The following VWA3B variants were observed in gnomAD, a reference collection of about 807,000 sequenced individuals.
VWA3B encodes the protein von Willebrand factor A domain containing 3B.
In VWA3B, 138 loss-of-function variants were observed where a neutral mutation model predicts 158.3. The ratio of observed to expected loss-of-function variants is 0.87; its 90% CI spans 0.76 to 1.00. The LOEUF is 1.00. Among genes scored for constraint, VWA3B ranks in the 50% least tolerant of loss-of-function variants. The pLI, the probability that VWA3B is intolerant of heterozygous loss-of-function variation, is 0.00. For synonymous variants in VWA3B, 596 were observed against 587.3 expected (o/e 1.01, Z -0.21); for missense variants, 1,555 against 1,565.1 (o/e 0.99, Z 0.11).
chr2:98,137,953 T>A (rs1185301571), intron 7 of VWA3B, among the ~76,000 whole-genome samples: 1 of 152,244 alleles, frequency 6.6e-6, no homozygotes, highest in Non-Finnish European at 1.5e-5. Context: ...TTCAACTACT[T>A]TAGTGTTCTG....
At chr2:98,295,808 G>A (rs6715989) in intron 23 of VWA3B, among the ~76,000 whole-genome samples, 43,093 of 152,134 alleles carry the variant, frequency 0.28, 6,392 homozygotes, top group Admixed American at 0.36. Flanking sequence ...AATGGTTGCA[G>A]TCCCTTAATT....
In VWA3B at chr2:98,121,450, G is replaced by A; in HGVS notation, c.694G>A (p.Asp232Asn). The A allele has an allele frequency of 6.2e-7, 1 of 1,613,776 alleles. No homozygotes were observed. Among genetic ancestry groups the A allele is most frequent in the Non-Finnish European group, 8.5e-7 (1 of 1,179,908 alleles). ...GGATGCTCTGCTGGAAGCCGGGAGA[G>A]ACAAGACTGTAAGTGCGTGTTCATG... ...RLDALLEAGR[D>N]KTIESIYYFV... Residue 232 changes from aspartate to asparagine, a missense_variant, in exon 5 of 28, where the codon GAC becomes AAC. Transcript: ENST00000477737.
In VWA3B at chr2:98,162,947, C is replaced by T. The variant is rs1678747925; in HGVS notation, c.1085C>T (p.Pro362Leu). The T allele has an allele frequency of 6.2e-7, 1 of 1,613,994 alleles. No individual in the cohort carries two copies. The highest frequency in any genetic ancestry group is 8.5e-7 in the Non-Finnish European group (1 of 1,180,052). Residue 362 changes from proline (P) to leucine (L), a missense_variant, in exon 8 of 28, where the codon CCC (proline) becomes CTC (leucine). Transcript: ENST00000477737. ...AQIQRLVAEP[P>L]KPDVATVDCE... is the part of the protein sequence containing the mutation. ...ATCCAGAGGCTGGTGGCCGAGCCTC[C>T]CAAGCCCGACGTGGCCACTGTGGAC...
Position 98,162,919 on chromosome 2 carries a change from C to T in VWA3B, c.1057C>T (p.Gln353Ter), listed in dbSNP as rs267599503. ...GGAGGAAGCCTGCAGCACGCTGGCC[C>T]AGATCCAGAGGCTGGTGGCCGAGCC... ...EMEEACSTLAQIQRLVAEPPK... is the reference protein window; with the variant it reads ...EMEEACSTLA The change falls in exon 8 of 28, where the codon CAG (glutamine) becomes TAG (stop). Residue 353 changes from glutamine to a stop codon, truncating the protein, a stop_gained. Transcript: ENST00000477737. LOFTEE classifies it high-confidence loss of function. 1 of 1,614,068 alleles carries T rather than the reference C, an allele frequency of 6.2e-7. No individual in the cohort carries two copies.
chr2:98,196,106 A>T (rs973089500), intron 12 of VWA3B, among the ~76,000 whole-genome samples: 1 of 152,200 alleles, frequency 6.6e-6, no homozygotes, highest in Non-Finnish European at 1.5e-5. Flanking sequence ...GTTACCAGAG[A>T]CTAGGAGCAG....
intron 26 of VWA3B, among the ~76,000 whole-genome samples, chr2:98,306,415 C>A (rs1202231033): frequency 1.3e-5 from 2 of 152,084 alleles, no homozygotes; most frequent in Non-Finnish European, 2.9e-5. Flanking sequence ...AGATGCCCAG[C>A]GATGCTCCTC....
Position 98,213,699 on chromosome 2 carries a change from G to A in VWA3B, c.1836+1671G>A, listed in dbSNP as rs10199463. Among the ~76,000 whole-genome samples, 1,021 of 152,236 alleles carry A rather than the reference G, an allele frequency of 6.7e-3. 11 individuals carry two copies. The highest frequency in any genetic ancestry group is 0.024 in the African/African-American group (979 of 41,544). On this transcript the variant is annotated intron_variant, in intron 13 of 27. Transcript: ENST00000477737. ...GGCTGGTGGAGGAAGCTGTGTTTGC[G>A]AACCTCTAGGGAGTGCATGGGTGTC... is the stretch of plus-strand genomic sequence containing the variant.
Position 98,303,816 on chromosome 2 carries a change from A to C in VWA3B, c.3521+14A>C. The C allele has an allele frequency of 6.2e-7, 1 of 1,609,694 alleles. No homozygotes were observed. Among genetic ancestry groups the C allele is most frequent in the African/African-American group, 1.3e-5 (1 of 74,940 alleles). On this transcript the variant is annotated intron_variant, in intron 26 of 27. Transcript: ENST00000477737. ...GGATCCAGAAGTGTAAGTGTACTCA[A>C]CTTTTATCTCTTGAATATTAATTTA...
intron 21 of VWA3B, among the ~76,000 whole-genome samples, chr2:98,265,223 G>A (rs1337124058): frequency 6.8e-6 from 1 of 147,392 alleles, no homozygotes; most frequent in Non-Finnish European, 1.5e-5. Context: ...TCCCCAGAGT[G>A]CGATGTTCCC....
intron 21 of VWA3B, among the ~76,000 whole-genome samples, chr2:98,267,558 A>G (rs1487007283): frequency 2.0e-5 from 3 of 152,140 alleles, no homozygotes; most frequent in Non-Finnish European, 4.4e-5. Flanking sequence ...AGGGAAATTT[A>G]TAGCACTAAA....
Position 98,303,315 on chromosome 2 carries a change from T to C in VWA3B, c.3421-387T>C, listed in dbSNP as rs1343194439. 2.0e-5 allele frequency among the ~76,000 whole-genome samples: 3 copies of C among 152,106 alleles called. No individual in the cohort carries two copies. In the East Asian group the frequency reaches 5.8e-4, roughly 29 times the overall value. ...GGAGGGGGAAGGATACTGGAGACAGTTCTGATAGGGACTTGGGGAGACCCA... is the reference window on the plus strand; with the variant it reads ...GGAGGGGGAAGGATACTGGAGACAGCTCTGATAGGGACTTGGGGAGACCCA... On this transcript the variant is annotated intron_variant, in intron 25 of 27. Coordinates refer to ENST00000477737, the MANE Select transcript of VWA3B (RefSeq NM_144992.5).
At position 98,129,224 on chromosome 2, in the gene VWA3B, A is replaced by AGTGTGTGTGTGT. The variant is rs1228441504; in HGVS notation, c.872+840_872+851dup. On this transcript the variant is annotated intron_variant, in intron 6 of 27. Transcript: ENST00000477737. The stretch of plus-strand genomic sequence containing the variant: ...AGAGAGAGGAGAGAGAGAGAGAGAG[A>AGTGTGTGTGTGT]GTGTGTGTGTGTGTGTGTGTGTGTG... 3.6e-3 allele frequency among the ~76,000 whole-genome samples: 452 copies of AGTGTGTGTGTGT among 124,644 alleles called. 25 individuals carry two copies. In the East Asian group the frequency reaches 0.087, roughly 24 times the overall value. 81.8% of individuals were successfully genotyped at this position (124,644 alleles called of 152,430 possible).
At chr2:98,196,742 G>A (rs938032988) in intron 12 of VWA3B, among the ~76,000 whole-genome samples, 4 of 152,198 alleles carry the variant, frequency 2.6e-5, no homozygotes, top group African/African-American at 9.6e-5. Flanking sequence ...AGACTATTGA[G>A]AATGGGCTCA....
intron 2 of VWA3B, among the ~76,000 whole-genome samples, chr2:98,110,021 C>A (rs1393977616): frequency 6.6e-6 from 1 of 150,814 alleles, no homozygotes; most frequent in Admixed American, 6.6e-5. Context: ...GAATCTGTTG[C>A]TTTATGTTTT....
chr2:98,172,880 A>G (rs759467544), intron 8 of VWA3B, among the ~76,000 whole-genome samples: 2 of 152,198 alleles, frequency 1.3e-5, no homozygotes, highest in African/African-American at 2.4e-5. Flanking sequence ...ATTCAGATAC[A>G]CTATTGGGGT....
At chr2:98,298,620 C>T (rs557173985) in intron 24 of VWA3B, among the ~76,000 whole-genome samples, 2 of 152,066 alleles carry the variant, frequency 1.3e-5, no homozygotes, top group Non-Finnish European at 2.9e-5. Context: ...GATGTGTCAC[C>T]GGAGGAAAGG....
At chr2:98,236,536 GT>G in intron 18 of VWA3B, 37 bp from the exon 19 acceptor site, 1 of 1,613,862 alleles carries the variant, frequency 6.2e-7, no homozygotes, top group Non-Finnish European at 8.5e-7. Context: ...TAACCATCAA[GT>G]TGTAAATTTT....
chr2:98,180,970 G>T, intron 8 of VWA3B, 46 bp from the exon 9 acceptor site: 1 of 1,585,146 alleles, frequency 6.3e-7, no homozygotes, highest in South Asian at 1.1e-5. Flanking sequence ...GGTGTAATAT[G>T]AATGGCTCAT....
At chr2:98,293,056 C>T (rs181478819) in intron 23 of VWA3B, among the ~76,000 whole-genome samples, 30 of 151,972 alleles carry the variant, frequency 2.0e-4, no homozygotes, top group African/African-American at 6.5e-4. Flanking sequence ...GCTAGGGCCC[C>T]GGGAAAATGT....
Sources: gnomAD v4.1 joint callset for allele counts (sites outside exome capture counted in the v4.1 genomes callset) on GRCh38, gnomAD v4.1.1 for gene constraint, MANE v1.5 for transcripts, NCBI Gene and HGNC (gene_info 2026-07-23, HGNC 2026-07-21) for gene names.